The following GPR107 variants were observed in gnomAD, a reference collection of about 807,000 sequenced individuals.
The protein encoded by GPR107 is protein GPR107.
GPR107 carries 31 observed loss-of-function variants against 75.5 expected under a neutral mutation model. The ratio of observed to expected loss-of-function variants is 0.41; its 90% CI spans 0.31 to 0.55. The LOEUF (loss-of-function observed/expected upper bound fraction) is 0.55, where lower values mean the gene tolerates loss of function less well. Ranked by LOEUF, GPR107 falls within the 20% of genes least tolerant of loss-of-function variation. The pLI is 0.26. For missense variants in GPR107, 572 were observed against 665.7 expected (o/e 0.86, Z 1.55); for synonymous variants, 267 against 251.3 (o/e 1.06, Z -0.59).
chr9:130,088,274 G>A (rs762652685), intron 7 of GPR107, among the ~76,000 whole-genome samples: 5 of 152,254 alleles, frequency 3.3e-5, no homozygotes, highest in African/African-American at 4.8e-5. Flanking sequence ...GACAGATCAG[G>A]CTTTAGGCTC....
rs147165405 is a variant in GPR107, at chr9:130,140,039, T to C, written c.*4918T>C. 1 of 152,244 alleles carries C rather than the reference T, an allele frequency of 6.6e-6. No homozygotes were observed. The highest frequency in any genetic ancestry group is 1.9e-4 in the East Asian group (1 of 5,184). The allele number at this position is 152,244 out of a possible 1,614,324, so 9.4% of individuals were successfully genotyped here. On this transcript the variant is annotated 3_prime_UTR_variant, in exon 18 of 18. Transcript: ENST00000347136. The surrounding 1 kb of genome is among the most constrained non-coding windows in gnomAD (Gnocchi z 4.0). ...TTCAGTATTTTTTTTAAAACACTAATGATCATTGAAGAGTATTTATGTAAA... is the reference window on the plus strand; with the variant it reads ...TTCAGTATTTTTTTTAAAACACTAACGATCATTGAAGAGTATTTATGTAAA...
intron 9 of GPR107, among the ~76,000 whole-genome samples, chr9:130,093,328 A>G (rs1830786102): frequency 6.6e-6 from 1 of 152,188 alleles, no homozygotes; most frequent in African/African-American, 2.4e-5. Context: ...ATTAATATTC[A>G]TTTAGAGAAT....
At chr9:130,114,051 A>ATTTTTTTTTTT (rs35152076) in intron 14 of GPR107, among the ~76,000 whole-genome samples, 21 of 81,200 alleles carry the variant, frequency 2.6e-4, no homozygotes, top group Non-Finnish European at 3.5e-4. Flanking sequence ...TTTTTTTTTC[A>ATTTTTTTTTTT]TTTTTTTTTT....
chr9:130,074,958 A>G lies in GPR107; in HGVS notation c.142-678A>G, dbSNP rs111564674. On this transcript the variant is annotated intron_variant, in intron 1 of 17. Coordinates refer to ENST00000347136, the MANE Select transcript of GPR107 (RefSeq NM_020960.5). ...GCCAGGCATTGTACTATCAGGAAGG[A>G]TGTGGGGATGACGATAACATGGTTC... Among the ~76,000 whole-genome samples, 614 of 149,494 alleles carry G rather than the reference A, an allele frequency of 4.1e-3. 1 individual carries two copies. Among genetic ancestry groups the G allele is most frequent in the African/African-American group, 0.014 (584 of 40,616 alleles).
intron 1 of GPR107, 104 bp downstream of exon 1, chr9:130,054,177 C>T (rs1222767106): frequency 8.9e-7 from 1 of 1,124,638 alleles, no homozygotes; most frequent in Non-Finnish European, 1.2e-6. Flanking sequence ...TGGACCACCT[C>T]TTTGCCCCTG....
At chr9:130,131,064 C>T (rs745470281) in intron 17 of GPR107, among the ~76,000 whole-genome samples, 1 of 152,106 alleles carries the variant, frequency 6.6e-6, no homozygotes, top group Non-Finnish European at 1.5e-5. Context: ...TTATCTGCGG[C>T]GGTCGGATGT....
At chr9:130,128,229 C>T (rs1224531500) in intron 16 of GPR107, among the ~76,000 whole-genome samples, 1 of 152,210 alleles carries the variant, frequency 6.6e-6, no homozygotes, top group African/African-American at 2.4e-5. Flanking sequence ...ATTCAGGCTG[C>T]CCTTCTTCTT....
intron 17 of GPR107, chr9:130,129,951 C>T (rs1295484107): frequency 1.3e-5 from 2 of 152,258 alleles, no homozygotes; most frequent in African/African-American, 4.8e-5. Flanking sequence ...TCCTTTCCCT[C>T]AGCCGTTACA....
intron 14 of GPR107, among the ~76,000 whole-genome samples, chr9:130,121,197 CAAA>C (rs1383202904): frequency 6.6e-6 from 1 of 151,088 alleles, no homozygotes; most frequent in East Asian, 1.9e-4. Flanking sequence ...CAAAACAAAA[CAAA>C]ACAAAACAAA....
chr9:130,135,119 T>G lies in GPR107; in HGVS notation c.1657T>G (p.Ter553GlyextTer5). The change falls in exon 18 of 18, where the codon TGA becomes GGA. Residue 553 changes from the stop codon to glycine, a stop_lost. Transcript: ENST00000347136. ...CCAGGGCGAGTGGGAAGGCGCCGTG[T>G]GACAGAGCCGACCCTGAGGATGGCA... Reference protein sequence around the residue: ...EPQGEWEGAV* With the variant: ...EPQGEWEGAVG 1 of 1,578,276 alleles carries G rather than the reference T, an allele frequency of 6.3e-7. No homozygotes were observed. Among genetic ancestry groups the G allele is most frequent in the Non-Finnish European group, 8.7e-7 (1 of 1,151,186 alleles).
intron 14 of GPR107, among the ~76,000 whole-genome samples, chr9:130,111,143 C>T (rs935452318): frequency 6.6e-6 from 1 of 152,080 alleles, no homozygotes; most frequent in Non-Finnish European, 1.5e-5. Flanking sequence ...AGGTGTGAGC[C>T]ACTGCATCTG....
At chr9:130,077,442 T>C (rs902850477) in intron 4 of GPR107, 64 bp downstream of exon 4, 1 of 843,598 alleles carries the variant, frequency 1.2e-6, no homozygotes, top group Non-Finnish European at 2.1e-6. Flanking sequence ...TTTAGTAGTA[T>C]GCTAACATTC....
At chr9:130,089,268 C>T (rs996640638) in intron 7 of GPR107, among the ~76,000 whole-genome samples, 5 of 152,142 alleles carry the variant, frequency 3.3e-5, no homozygotes, top group African/African-American at 7.2e-5. Flanking sequence ...TTGTGTCAGG[C>T]GAACATCCAG....
At chr9:130,075,440 T>G (rs1830319129) in intron 1 of GPR107, among the ~76,000 whole-genome samples, 196 bp from the exon 2 acceptor site, 4 of 152,040 alleles carry the variant, frequency 2.6e-5, no homozygotes, top group Admixed American at 2.6e-4. Context: ...GAGACAGGGT[T>G]TCGCCATGTT....
Position 130,092,310 on chromosome 9 carries a change from A to G in GPR107, c.792A>G (p.Lys264=). The G allele has an allele frequency of 1.2e-6, 2 of 1,608,126 alleles. No homozygotes were observed. The highest frequency in any genetic ancestry group is 1.7e-6 in the Non-Finnish European group (2 of 1,174,540). Residue 264 remains lysine, a synonymous_variant, in exon 9 of 18, where the codon AAA becomes AAG. Transcript: ENST00000347136. The part of the protein sequence containing the change: ...YLSAGEIPLP[K]LYISMAFFFF... The stretch of plus-strand genomic sequence containing the variant: ...CAGCAGGAGAAATTCCTCTCCCCAA[A>G]TTATACATCTCAATGGCCTTTTTCT...
intron 13 of GPR107, among the ~76,000 whole-genome samples, chr9:130,105,979 T>C (rs1831146755): frequency 6.6e-6 from 1 of 152,102 alleles, no homozygotes; most frequent in Admixed American, 6.6e-5. Context: ...TGACTCTTCC[T>C]CCTCACTGCA....
intron 1 of GPR107, among the ~76,000 whole-genome samples, chr9:130,063,595 T>C (rs953181203): frequency 7.2e-5 from 11 of 152,192 alleles, no homozygotes; most frequent in African/African-American, 2.7e-4. Context: ...ACATCAAACA[T>C]GCCTTTTTTA....
At chr9:130,070,691 A>G (rs1830182340) in intron 1 of GPR107, among the ~76,000 whole-genome samples, 1 of 152,190 alleles carries the variant, frequency 6.6e-6, no homozygotes, top group Non-Finnish European at 1.5e-5. Context: ...AGTCAGTGCC[A>G]GTGGGATTGT....
In GPR107 at chr9:130,077,350, C is replaced by G. The variant is rs138190367; in HGVS notation, c.358C>G (p.Leu120Val). The change falls in exon 4 of 18, where the codon CTT becomes GTT. Residue 120 changes from leucine (L) to valine (V), a missense_variant. Coordinates refer to ENST00000347136, the MANE Select transcript of GPR107 (RefSeq NM_020960.5). ...ILKKQSVSVT[L>V]LILDISRSEV... ...AAAGAAACAGTCTGTCTCTGTCACC[C>G]TTTTAATCCTAGACATCTCCAGAAG... 10 of 1,559,340 alleles carry G rather than the reference C, an allele frequency of 6.4e-6. No homozygotes were observed. In the African/African-American group the frequency reaches 1.4e-4, roughly 21 times the overall value.
Sources: allele counts gnomAD v4.1 joint callset (sites outside exome capture counted in the v4.1 genomes callset), GRCh38; gene constraint gnomAD v4.1.1; non-coding constraint Gnocchi (gnomAD v3.1); transcripts MANE v1.5; gene names NCBI Gene and HGNC (gene_info 2026-07-23, HGNC 2026-07-21).